Variants in TCF7L2 observed in about 807,000 individuals in gnomAD.
The protein encoded by TCF7L2 is transcription factor 7-like 2.
In TCF7L2, 23 loss-of-function variants were observed where a neutral mutation model predicts 77.9. That is an observed-to-expected ratio of 0.30 (90% confidence interval 0.21 to 0.42). The LOEUF (loss-of-function observed/expected upper bound fraction) is 0.42. TCF7L2 is among the 10% of genes least tolerant of loss of function. The pLI is 1.00. For missense variants in TCF7L2, 654 were observed against 793.1 expected (o/e 0.82, Z 2.11); for synonymous variants, 413 against 340.2 (o/e 1.21, Z -2.36).
intron 5 of TCF7L2, among the ~76,000 whole-genome samples, chr10:113,071,733 T>C (rs1209814268): frequency 1.3e-5 from 2 of 152,164 alleles, no homozygotes; most frequent in African/African-American, 4.8e-5. Flanking sequence ...CCTAGGCTCA[T>C]AGGCCTAGCA....
chr10:113,044,251 A>G (rs1442180954), intron 5 of TCF7L2, among the ~76,000 whole-genome samples: 3 of 152,218 alleles, frequency 2.0e-5, no homozygotes, highest in Non-Finnish European at 4.4e-5. Flanking sequence ...CTCTTACGAA[A>G]TAATGCACGA....
rs906430446 is a variant in TCF7L2 at position 113,167,529 on chromosome 10, G to A, written c.*1557G>A. ...ATACTTTGAATGTTTCCTAACAGTT[G>A]TGATGTTACTGTTCCGTTTTATGCT... On this transcript the variant is annotated 3_prime_UTR_variant, in exon 14 of 14. Coordinates refer to ENST00000627217, the MANE Select transcript of TCF7L2 (RefSeq NM_001146274.2). 5.1e-5 allele frequency: 11 copies of A among 216,124 alleles called. No homozygotes were observed. The highest frequency in any genetic ancestry group is 1.6e-4 in the African/African-American group (7 of 44,386). The allele number at this position is 216,124 out of a possible 1,614,324, so 13.4% of individuals were successfully genotyped here. A position where few individuals can be genotyped will look rare whatever the true frequency, so the allele number is the denominator to read the frequency against.
chr10:113,051,533 T>C (rs1359731665), intron 5 of TCF7L2, among the ~76,000 whole-genome samples: 1 of 152,248 alleles, frequency 6.6e-6, no homozygotes, highest in Non-Finnish European at 1.5e-5. Flanking sequence ...GAACTGATTC[T>C]TCTATCGCTA....
intron 5 of TCF7L2, chr10:113,126,058 T>C (rs2065540938): frequency 6.6e-6 from 1 of 152,172 alleles, no homozygotes; most frequent in African/African-American, 2.4e-5. Flanking sequence ...TGGTTTAATA[T>C]GTGTTAGGAC....
chr10:113,163,122 C>G (rs369454842), intron 13 of TCF7L2, among the ~76,000 whole-genome samples: 111 of 152,226 alleles, frequency 7.3e-4, no homozygotes, highest in African/African-American at 2.4e-3. Context: ...CTTAGGAGAC[C>G]CATTGCTCTG....
At chr10:113,056,493 C>T (rs1261939058) in intron 5 of TCF7L2, among the ~76,000 whole-genome samples, 1 of 152,042 alleles carries the variant, frequency 6.6e-6, no homozygotes, top group Non-Finnish European at 1.5e-5. Context: ...TTCCATATTT[C>T]ATGTAACTGA....
chr10:113,057,425 C>A (rs2055587624), intron 5 of TCF7L2, among the ~76,000 whole-genome samples: 1 of 152,164 alleles, frequency 6.6e-6, no homozygotes. Flanking sequence ...CCCTTCTCGG[C>A]CTCCCGAAGT....
chr10:112,988,071 T>A (rs779150761), intron 4 of TCF7L2, among the ~76,000 whole-genome samples: 5 of 148,166 alleles, frequency 3.4e-5, no homozygotes, highest in Non-Finnish European at 7.4e-5. Context: ...ATAACACTTA[T>A]CAGAGGAGGG....
chr10:113,074,659 A>G (rs1247995234), intron 5 of TCF7L2, among the ~76,000 whole-genome samples: 1 of 152,254 alleles, frequency 6.6e-6, no homozygotes, highest in South Asian at 2.1e-4. Context: ...TTGGATTTGA[A>G]TGGGATGGTT....
intron 5 of TCF7L2, chr10:113,130,004 G>A (rs2136492029): frequency 7.9e-7 from 1 of 1,265,982 alleles, no homozygotes; most frequent in African/African-American, 1.5e-5. Flanking sequence ...AGTGGGGTGT[G>A]TGGTGTGTGT....
At chr10:113,152,237 A>C in intron 10 of TCF7L2, 96 bp from the exon 11 acceptor site, 1 of 1,128,488 alleles carries the variant, frequency 8.9e-7, no homozygotes, top group Admixed American at 1.7e-5. Flanking sequence ...AAAAGGCAGC[A>C]TTATTTATCC....
At chr10:113,082,131 ATTT>A (rs10583826) in intron 5 of TCF7L2, among the ~76,000 whole-genome samples, 7 of 135,484 alleles carry the variant, frequency 5.2e-5, no homozygotes, top group East Asian at 2.2e-4. Context: ...AGCCACTACC[ATTT>A]TTTTTTTTTT....
intron 5 of TCF7L2, among the ~76,000 whole-genome samples, chr10:113,107,515 G>A (rs1009322689): frequency 3.3e-5 from 5 of 151,180 alleles, no homozygotes; most frequent in East Asian, 3.9e-4. Flanking sequence ...AGGCCGAGGC[G>A]GGTGGATCAC....
At chr10:112,985,120 G>A (rs2041244029) in intron 4 of TCF7L2, among the ~76,000 whole-genome samples, 1 of 152,162 alleles carries the variant, frequency 6.6e-6, no homozygotes, top group Non-Finnish European at 1.5e-5. Context: ...AAAGAGCAAC[G>A]GTGATTACTT....
At chr10:113,069,735 C>G (rs552432273) in intron 5 of TCF7L2, among the ~76,000 whole-genome samples, 1 of 152,142 alleles carries the variant, frequency 6.6e-6, no homozygotes, top group Admixed American at 6.5e-5. Context: ...GAGGGCCCCT[C>G]GCTGGATGTT....
At chr10:112,953,855 A>G (rs2032749255) in intron 3 of TCF7L2, among the ~76,000 whole-genome samples, 1 of 152,228 alleles carries the variant, frequency 6.6e-6, no homozygotes, top group African/African-American at 2.4e-5. Context: ...GTGACATCAG[A>G]TTGAGTCTCA....
rs75096449 is a variant in TCF7L2 at position 113,071,293 on chromosome 10, T to G, written c.552+31167T>G. 1.0e-3 allele frequency among the ~76,000 whole-genome samples: 155 copies of G among 152,234 alleles called. 1 individual carries two copies. In the South Asian group the frequency reaches 0.015, roughly 14 times the overall value. On this transcript the variant is annotated intron_variant, in intron 5 of 13. Transcript: ENST00000627217. ...GGTTAGCCCAGGACTTCAGATGGAG[T>G]GCTTCCTCCTTTTTAATACCTTGTG...
chr10:112,972,970 G>A (rs2038604100), intron 4 of TCF7L2, among the ~76,000 whole-genome samples: 2 of 152,174 alleles, frequency 1.3e-5, no homozygotes, highest in African/African-American at 2.4e-5. Flanking sequence ...GGTAACTATT[G>A]CCTGCTCAAA....
At chr10:113,087,550 G>A (rs2059955577) in intron 5 of TCF7L2, among the ~76,000 whole-genome samples, 3 of 152,226 alleles carry the variant, frequency 2.0e-5, no homozygotes, top group Admixed American at 6.5e-5. Context: ...CATGCTTGCC[G>A]AATGACTCAC....
Sources: allele counts gnomAD v4.1 joint callset (sites outside exome capture counted in the v4.1 genomes callset), GRCh38; gene constraint gnomAD v4.1.1; transcripts MANE v1.5; gene names NCBI Gene and HGNC (gene_info 2026-07-23, HGNC 2026-07-21).